Variants in PRKCH observed in about 807,000 individuals in gnomAD.
The protein encoded by PRKCH is protein kinase C eta.
PRKCH carries 28 observed loss-of-function variants against 82.5 expected under a neutral mutation model. The observed-to-expected ratio is 0.34, with a 90% CI of 0.25 to 0.47. PRKCH has a LOEUF of 0.47. Ranked by LOEUF, PRKCH falls within the 20% of genes least tolerant of loss-of-function variation. PRKCH has a pLI of 1.00. For missense variants in PRKCH, 705 were observed against 881.8 expected (o/e 0.80, Z 2.54); for synonymous variants, 322 against 327.4 (o/e 0.98, Z 0.18).
At chr14:61,450,523 A>T (rs923153419) in intron 5 of PRKCH, among the ~76,000 whole-genome samples, 1 of 152,216 alleles carries the variant, frequency 6.6e-6, no homozygotes, top group Non-Finnish European at 1.5e-5. Context: ...TGGGAAATAG[A>T]TGGGGGTGTT....
chr14:61,453,468 C>T (rs1161091056), intron 7 of PRKCH, 115 bp downstream of exon 7: 1 of 1,074,930 alleles, frequency 9.3e-7, no homozygotes, highest in East Asian at 2.9e-5. Context: ...ATACAATAAA[C>T]AGACTTATTG....
At chr14:61,233,407 A>G (rs1594865224) in intron 1 of PRKCH, among the ~76,000 whole-genome samples, 3 of 152,100 alleles carry the variant, frequency 2.0e-5, no homozygotes, top group African/African-American at 7.2e-5. Context: ...AAAGAAAAAA[A>G]GAAAAAGAAA....
chr14:61,298,461 G>T, intron 1 of PRKCH: 1 of 150,234 alleles, frequency 6.7e-6, no homozygotes, highest in Non-Finnish European at 1.5e-5. Context: ...CCAGGGATGA[G>T]GGGAAGAGCC....
chr14:61,482,937 C>G (rs1381057404), intron 9 of PRKCH, among the ~76,000 whole-genome samples: 1 of 152,240 alleles, frequency 6.6e-6, no homozygotes, highest in South Asian at 2.1e-4. Flanking sequence ...AAGTGCGCCA[C>G]TTATAGCAGC....
At chr14:61,477,095 G>GC (rs1355814981) in intron 9 of PRKCH, 1 of 152,146 alleles carries the variant, frequency 6.6e-6, no homozygotes, top group Non-Finnish European at 1.5e-5. Flanking sequence ...AAATAATAAA[G>GC]CAACGGTACT....
At chr14:61,260,909 A>C (rs1294691704) in intron 1 of PRKCH, among the ~76,000 whole-genome samples, 1 of 152,214 alleles carries the variant, frequency 6.6e-6, no homozygotes, top group Non-Finnish European at 1.5e-5. Flanking sequence ...ATGTACTTTA[A>C]GGGACTTCCA....
At chr14:61,473,575 G>A (rs1885598447) in intron 9 of PRKCH, among the ~76,000 whole-genome samples, 1 of 152,184 alleles carries the variant, frequency 6.6e-6, no homozygotes, top group African/African-American at 2.4e-5. Context: ...TAAAGAGAAT[G>A]GAATAGCATG....
At chr14:61,209,970 G>A (rs1418326258) in intron 1 of PRKCH, among the ~76,000 whole-genome samples, 2 of 151,452 alleles carry the variant, frequency 1.3e-5, no homozygotes, top group African/African-American at 4.9e-5. Context: ...CAGGTGTGGT[G>A]GCTCACGCTT....
intron 2 of PRKCH, among the ~76,000 whole-genome samples, chr14:61,394,548 A>G (rs1362082626): frequency 6.6e-6 from 1 of 152,222 alleles, no homozygotes; most frequent in African/African-American, 2.4e-5. Context: ...AACTCTCTGC[A>G]TTAAGTTACA....
At chr14:61,347,545 T>C (rs1163113582) in intron 1 of PRKCH, among the ~76,000 whole-genome samples, 1 of 152,188 alleles carries the variant, frequency 6.6e-6, no homozygotes, top group Non-Finnish European at 1.5e-5. Context: ...CTAATCCCAA[T>C]TTTGTGGAGG....
chr14:61,407,673 C>A (rs1882027984), intron 2 of PRKCH, among the ~76,000 whole-genome samples: 1 of 152,138 alleles, frequency 6.6e-6, no homozygotes, highest in Non-Finnish European at 1.5e-5. Context: ...TCATTTGAGA[C>A]TTTTAATTCC....
intron 10 of PRKCH, among the ~76,000 whole-genome samples, chr14:61,497,443 C>A (rs1442032779): frequency 6.6e-6 from 1 of 152,168 alleles, no homozygotes; most frequent in African/African-American, 2.4e-5. Context: ...CTGTTTGCTA[C>A]CACTTTTGGG....
intron 1 of PRKCH, among the ~76,000 whole-genome samples, chr14:61,388,481 T>A (rs896199847): frequency 1.3e-5 from 2 of 152,000 alleles, no homozygotes; most frequent in Non-Finnish European, 1.5e-5. Context: ...CTCAGGGAAG[T>A]GTTGAAGGGA....
chr14:61,357,014 C>T (rs994677743), intron 1 of PRKCH, among the ~76,000 whole-genome samples: 4 of 152,188 alleles, frequency 2.6e-5, no homozygotes, highest in African/African-American at 9.6e-5. Context: ...GGCTAGAACC[C>T]TCCCAAGAGT....
intron 1 of PRKCH, among the ~76,000 whole-genome samples, chr14:61,256,533 G>A (rs1463578802): frequency 6.6e-6 from 1 of 152,054 alleles, no homozygotes; most frequent in African/African-American, 2.4e-5. Flanking sequence ...TAATGCTTTG[G>A]GTTAGTAGAA....
At chr14:61,464,453 G>A (rs1452505458) in intron 9 of PRKCH, among the ~76,000 whole-genome samples, 16 of 151,946 alleles carry the variant, frequency 1.1e-4, no homozygotes, top group Admixed American at 1.0e-3. Context: ...TGTTACATAG[G>A]TGTACATGTG....
At chr14:61,514,541 C>T (rs1486479365) in intron 10 of PRKCH, among the ~76,000 whole-genome samples, 1 of 151,996 alleles carries the variant, frequency 6.6e-6, no homozygotes, top group Non-Finnish European at 1.5e-5. Flanking sequence ...ATAGCAGCTT[C>T]ACGTTGGCTG....
chr14:61,506,344 G>A (rs772542295), intron 10 of PRKCH, among the ~76,000 whole-genome samples: 4 of 152,034 alleles, frequency 2.6e-5, no homozygotes, highest in Non-Finnish European at 5.9e-5. Flanking sequence ...GAGGAACTTC[G>A]GTGCACCAAG....
At chr14:61,447,270 T>G (rs933820869) in intron 4 of PRKCH, among the ~76,000 whole-genome samples, 2 of 152,250 alleles carry the variant, frequency 1.3e-5, no homozygotes, top group Non-Finnish European at 2.9e-5. Context: ...CATGTATGTA[T>G]GTACCTAGCA....
Sources: allele counts gnomAD v4.1 joint callset (sites outside exome capture counted in the v4.1 genomes callset), GRCh38; gene constraint gnomAD v4.1.1; transcripts MANE v1.5; gene names NCBI Gene and HGNC (gene_info 2026-07-23, HGNC 2026-07-21).